Variants in NCOA3 observed in about 807,000 individuals in gnomAD.
NCOA3 encodes nuclear receptor coactivator 3.
In NCOA3, 51 loss-of-function variants were observed where a neutral mutation model predicts 158.8. The ratio of observed to expected loss-of-function variants is 0.32; its 90% CI spans 0.26 to 0.41. The LOEUF is 0.41. Among genes scored for constraint, NCOA3 ranks in the 10% least tolerant of loss-of-function variants. NCOA3 has a pLI of 1.00. For synonymous variants in NCOA3, 537 were observed against 592.4 expected, an observed-to-expected ratio of 0.91 and a Z score of 1.36; for missense variants, 1,510 against 1,746.6, an observed-to-expected ratio of 0.86 and a Z score of 2.41.
At chr20:47,632,801 C>T (rs1209859569) in intron 8 of NCOA3, among the ~76,000 whole-genome samples, 1 of 151,440 alleles carries the variant, frequency 6.6e-6, no homozygotes, top group Non-Finnish European at 1.5e-5. Context: ...TCCTGCCTCA[C>T]CCTCCCGAGT....
chr20:47,553,723 T>C (rs915699529), intron 1 of NCOA3, among the ~76,000 whole-genome samples: 1 of 152,140 alleles, frequency 6.6e-6, no homozygotes, highest in Non-Finnish European at 1.5e-5. Flanking sequence ...ACAAAGGACA[T>C]GAACTCATCA....
At chr20:47,634,303 G>T (rs6066423) in intron 10 of NCOA3, 108 bp downstream of exon 10, 3 of 1,095,208 alleles carry the variant, frequency 2.7e-6, no homozygotes, top group Non-Finnish European at 2.6e-6. Context: ...AATTTAGGAA[G>T]GTTATTGGGT....
intron 2 of NCOA3, among the ~76,000 whole-genome samples, chr20:47,620,854 G>T (rs1410255305): frequency 6.6e-6 from 1 of 152,104 alleles, no homozygotes; most frequent in African/African-American, 2.4e-5. Flanking sequence ...TTCAGTCTAG[G>T]ATCAAATATT....
At chr20:47,640,981 A>G (rs1218741170) in intron 16 of NCOA3, among the ~76,000 whole-genome samples, 5 of 152,236 alleles carry the variant, frequency 3.3e-5, no homozygotes, top group African/African-American at 9.6e-5. Context: ...CAGCTCTAAC[A>G]GGAATTCTAC....
intron 1 of NCOA3, among the ~76,000 whole-genome samples, chr20:47,530,973 G>A (rs1260277055): frequency 6.6e-6 from 1 of 152,152 alleles, no homozygotes; most frequent in Non-Finnish European, 1.5e-5. Flanking sequence ...CAAATACATT[G>A]TAATTATCTA....
Position 47,564,404 on chromosome 20 carries a change from A to T in NCOA3, c.-98-18779A>T, listed in dbSNP as rs2085158872. 2.0e-5 allele frequency among the ~76,000 whole-genome samples: 3 copies of T among 152,176 alleles called. No individual in the cohort carries two copies. In the South Asian group the frequency reaches 6.2e-4, roughly 31 times the overall value. ...TTAGTCATTCATCTGTTAATTCAGC[A>T]AAGAACTATTGAGTACCTGTCATGT... On this transcript the variant is annotated intron_variant, in intron 1 of 22. Coordinates refer to ENST00000371998, the MANE Select transcript of NCOA3 (RefSeq NM_181659.3).
chr20:47,637,887 C>T (rs1349759481), intron 13 of NCOA3, 104 bp downstream of exon 13: 1 of 1,034,334 alleles, frequency 9.7e-7, no homozygotes, highest in African/African-American at 1.7e-5. Context: ...GCATTTATAA[C>T]TTCAGAACAT....
At chr20:47,502,467 A>AC (rs796507995) in intron 1 of NCOA3, among the ~76,000 whole-genome samples, 58 of 144,828 alleles carry the variant, frequency 4.0e-4, no homozygotes, top group Middle Eastern at 3.4e-3. Context: ...AGCCGCGGGG[A>AC]CCCCCCCCAC....
chr20:47,522,627 A>G (rs1465429300), intron 1 of NCOA3, among the ~76,000 whole-genome samples: 1 of 151,872 alleles, frequency 6.6e-6, no homozygotes, highest in South Asian at 2.1e-4. Context: ...TGACTCAACA[A>G]ATCATTCGCG....
intron 19 of NCOA3, 117 bp downstream of exon 19, chr20:47,649,226 G>A: frequency 1.7e-6 from 1 of 576,898 alleles, no homozygotes. Context: ...AATTTCTTGT[G>A]TAAGAAAGCA....
intron 1 of NCOA3, among the ~76,000 whole-genome samples, chr20:47,565,802 C>T (rs2085184154): frequency 1.3e-5 from 2 of 152,124 alleles, no homozygotes; most frequent in African/African-American, 2.4e-5. Context: ...TTTTTTTCCT[C>T]CTTCCAGATC....
At chr20:47,525,707 G>C (rs1318038672) in intron 1 of NCOA3, among the ~76,000 whole-genome samples, 2 of 128,652 alleles carry the variant, frequency 1.6e-5, no homozygotes, top group Non-Finnish European at 3.2e-5. Flanking sequence ...CTGGCCGGGC[G>C]GGGGGCTGAC....
At chr20:47,603,510 G>A (rs189993423) in intron 2 of NCOA3, among the ~76,000 whole-genome samples, 296 of 152,346 alleles carry the variant, frequency 1.9e-3, no homozygotes, top group Admixed American at 4.2e-3. Flanking sequence ...GACCATGGAC[G>A]GCTTAAGTGT....
chr20:47,524,424 C>A (rs2084394116), intron 1 of NCOA3, among the ~76,000 whole-genome samples: 3 of 152,154 alleles, frequency 2.0e-5, no homozygotes, highest in Admixed American at 2.0e-4. Context: ...AAGTTGAAAT[C>A]CATTCCATAC....
In NCOA3 at chr20:47,526,118, G is replaced by A. The variant is rs374015127; in HGVS notation, c.-99+24099G>A. The stretch of plus-strand genomic sequence containing the variant: ...CGGGCAGAGACGCTCCTCACATCCC[G>A]GACGGGGCGGCAGGGCAGAGGTGCT... On this transcript the variant is annotated intron_variant, in intron 1 of 22. Coordinates refer to ENST00000371998, the MANE Select transcript of NCOA3 (RefSeq NM_181659.3). 5.7e-4 allele frequency among the ~76,000 whole-genome samples: 72 copies of A among 126,726 alleles called. 1 individual carries two copies. Among genetic ancestry groups the A allele is most frequent in the South Asian group, 2.6e-3 (10 of 3,826 alleles). 83.1% of individuals were successfully genotyped at this position (126,726 alleles called of 152,430 possible).
chr20:47,514,679 G>GT (rs1337612536), intron 1 of NCOA3, among the ~76,000 whole-genome samples: 2 of 124,042 alleles, frequency 1.6e-5, no homozygotes, highest in African/African-American at 6.0e-5. Flanking sequence ...CAGGTGTGCT[G>GT]TTTTTTTGTT....
rs903353256 is a variant in NCOA3 at position 47,636,411 on chromosome 20, G to A, written c.2025G>A (p.Gly675=). The A allele has an allele frequency of 2.5e-6, 4 of 1,614,086 alleles. No homozygotes were observed. The African/African-American group carries it at 5.3e-5, about 22-fold the overall frequency. Residue 675 remains glycine (G), a synonymous_variant, in exon 12 of 23, where the codon GGG becomes GGA. Transcript: ENST00000371998. ...GGVSSTSNMH[G]SLLQEKHRIL... ...TATCCTCTACATCCAATATGCATGG[G>A]TCACTGTTACAAGAGAAGCACCGGA...
chr20:47,622,543 A>G (rs2086258644), intron 3 of NCOA3, among the ~76,000 whole-genome samples: 1 of 152,198 alleles, frequency 6.6e-6, no homozygotes, highest in African/African-American at 2.4e-5. Context: ...AATATTAACA[A>G]TTCGCGGTAC....
At position 47,636,291 on chromosome 20, in the gene NCOA3, C is replaced by T. The variant is rs748431570; in HGVS notation, c.1905C>T (p.Ser635=). 1.4e-5 allele frequency: 22 copies of T among 1,614,050 alleles called. No homozygotes were observed. Among genetic ancestry groups the T allele is most frequent in the Non-Finnish European group, 1.7e-5 (20 of 1,180,042 alleles). The change falls in exon 12 of 23, where the codon TCC becomes TCT. Residue 635 remains serine, a synonymous_variant. Coordinates refer to ENST00000371998, the MANE Select transcript of NCOA3 (RefSeq NM_181659.3). Reference sequence around the variant, plus strand: ...GTTCTTCTGATGACCGGGGTCATTCCTCCTTGACCAACTCCCCCCTAGATT... The same window carrying T: ...GTTCTTCTGATGACCGGGGTCATTCTTCCTTGACCAACTCCCCCCTAGATT... ...LTCSSDDRGH[S]SLTNSPLDSS...
Sources: allele counts gnomAD v4.1 joint callset (sites outside exome capture counted in the v4.1 genomes callset), GRCh38; gene constraint gnomAD v4.1.1; transcripts MANE v1.5; gene names NCBI Gene and HGNC (gene_info 2026-07-23, HGNC 2026-07-21).